Variants in PAPOLG observed in about 807,000 individuals in gnomAD.
PAPOLG encodes poly(A) polymerase gamma, also known as PAP-gamma.
A neutral mutation model predicts 99.0 loss-of-function variants in PAPOLG; 40 were observed. That is an observed-to-expected ratio of 0.40 (90% CI 0.31 to 0.53). The LOEUF is 0.53. PAPOLG is among the 20% of genes least tolerant of loss of function. The pLI, the probability that PAPOLG is intolerant of heterozygous loss-of-function variation, is 0.41. For missense variants in PAPOLG, 675 were observed against 884.1 expected (o/e 0.76, Z 3.00); for synonymous variants, 310 against 299.3 (o/e 1.04, Z -0.37).
chr2:60,797,084 C>T lies in PAPOLG; in HGVS notation c.2135C>T (p.Pro712Leu), dbSNP rs1671732217. 2 of 1,612,444 alleles carry T rather than the reference C, an allele frequency of 1.2e-6. No homozygotes were observed. The highest frequency in any genetic ancestry group is 1.7e-6 in the Non-Finnish European group (2 of 1,178,512). Residue 712 changes from proline (P) to leucine (L), a missense_variant, in exon 22 of 22, where the codon CCA (proline) becomes CTA (leucine). Coordinates refer to ENST00000238714, the MANE Select transcript of PAPOLG (RefSeq NM_022894.4). Reference sequence around the variant, plus strand: ...TAGAGACTACCCAGTAAAGAACTACCAGATTCATCATCTCCAGTTCCAGCA... The same window carrying T: ...TAGAGACTACCCAGTAAAGAACTACTAGATTCATCATCTCCAGTTCCAGCA... ...RKKRLPSKELPDSSSPVPANN... is the reference protein window; with the variant it reads ...RKKRLPSKELLDSSSPVPANN...
chr2:60,790,864 G>A (rs1250031935), intron 15 of PAPOLG, among the ~76,000 whole-genome samples: 1 of 152,174 alleles, frequency 6.6e-6, no homozygotes, highest in Non-Finnish European at 1.5e-5. Flanking sequence ...CAAGGTGGGT[G>A]GATCACTTGA....
At chr2:60,783,500 CTT>C (rs761205449) in intron 13 of PAPOLG, among the ~76,000 whole-genome samples, 13 of 45,358 alleles carry the variant, frequency 2.9e-4, no homozygotes, top group African/African-American at 6.2e-4. Context: ...TTTACCCGGC[CTT>C]TTTTTTTTTT....
chr2:60,765,361 A>G (rs1181083644), intron 3 of PAPOLG, among the ~76,000 whole-genome samples: 1 of 146,874 alleles, frequency 6.8e-6, no homozygotes, highest in African/African-American at 2.5e-5. Context: ...TACAGGCATG[A>G]GTCACAACCA....
rs368276093 is a variant in PAPOLG, at chr2:60,797,027, C to G, written c.2113-35C>G. 3.9e-4 allele frequency: 633 copies of G among 1,612,208 alleles called. 1 individual carries two copies. The African/African-American group carries it at 7.8e-3, about 20-fold the overall frequency. ...GGGCCTTTATAATATATATGATGTG[C>G]TTTTCCTTTTTTGTTTCCTCTTTCT... On this transcript the variant is annotated intron_variant, in intron 21 of 21. Transcript: ENST00000238714.
At chr2:60,796,670 C>G (rs1194385678) in intron 21 of PAPOLG, among the ~76,000 whole-genome samples, 2 of 152,086 alleles carry the variant, frequency 1.3e-5, no homozygotes, top group Non-Finnish European at 2.9e-5. Flanking sequence ...TGCACACACT[C>G]ATTTTTCACT....
intron 8 of PAPOLG, among the ~76,000 whole-genome samples, chr2:60,777,935 CA>C (rs1251304701): frequency 1.4e-4 from 22 of 152,110 alleles, no homozygotes; most frequent in Non-Finnish European, 1.0e-4. Context: ...ATCACCATAA[CA>C]GATATAATAA....
rs751102317 is a variant in PAPOLG, at chr2:60,797,155, C to G, written c.2206C>G (p.Arg736Gly). Residue 736 changes from arginine to glycine, a missense_variant, in exon 22 of 22, where the codon CGG becomes GGG. Around this residue, in one of 3 missense-constraint regions of PAPOLG, gnomAD observed 413 missense variants for 460.5 expected, o/e 0.90. Coordinates refer to ENST00000238714, the MANE Select transcript of PAPOLG (RefSeq NM_022894.4). ...IKNSIRLTLN[R>G] ...AAATTCCATTCGACTGACCCTTAAT[C>G]GGTAAAAGCAGTGCCTCCTCACTTA... 6.2e-7 allele frequency: 1 copy of G among 1,614,012 alleles called. No individual in the cohort carries two copies. Among genetic ancestry groups the G allele is most frequent in the Non-Finnish European group, 8.5e-7 (1 of 1,179,944 alleles).
chr2:60,791,654 G>T (rs574406236), intron 15 of PAPOLG, 107 bp from the exon 16 acceptor site: 1 of 1,367,082 alleles, frequency 7.3e-7, no homozygotes. Flanking sequence ...GTGGGTGGCC[G>T]GTGGTGATAG....
chr2:60,766,512 A>T lies in PAPOLG; in HGVS notation c.247-1958A>T, dbSNP rs1573223024. 1.3e-5 allele frequency among the ~76,000 whole-genome samples: 2 copies of T among 152,104 alleles called. 1 individual carries two copies. Among genetic ancestry groups the T allele is most frequent in the East Asian group, 3.8e-4 (2 of 5,196 alleles). ...GACCCCATCTTTACAAAAATTATTT[A>T]AAAATTACCCAGGCACAGTGGTACC... On this transcript the variant is annotated intron_variant, in intron 3 of 21. Coordinates refer to ENST00000238714, the MANE Select transcript of PAPOLG (RefSeq NM_022894.4).
intron 17 of PAPOLG, 72 bp from the exon 18 acceptor site, chr2:60,793,555 C>T: frequency 6.5e-7 from 1 of 1,531,572 alleles, no homozygotes; most frequent in Non-Finnish European, 8.9e-7. Flanking sequence ...TAGAATGAGG[C>T]CTTTTCTCAA....
Position 60,783,169 on chromosome 2 carries a change from T to C in PAPOLG, c.1126T>C (p.Leu376=), listed in dbSNP as rs1252278419. The change falls in exon 13 of 22, where the codon TTG becomes CTG. Residue 376 remains leucine (L), a synonymous_variant. Transcript: ENST00000238714. ...FFQKYRHYIV[L]TASASTEENH... is the part of the protein sequence containing the mutation. The stretch of plus-strand genomic sequence containing the variant: ...AAAATTCTTCAGACATTATATAGTA[T>C]TGACTGCCAGCGCATCAACAGAAGA... The C allele has an allele frequency of 3.1e-6, 5 of 1,591,166 alleles. No homozygotes were observed. Among genetic ancestry groups the C allele is most frequent in the African/African-American group, 2.7e-5 (2 of 73,872 alleles).
At position 60,800,127 on chromosome 2, in the gene PAPOLG, A is replaced by T. The variant is rs1430851607; in HGVS notation, c.*2967A>T. ...ACCTTAGGGACTTAACCAATTCAAGATAGAGGTACATGGCTTAAAACTTTG... is the reference window on the plus strand; with the variant it reads ...ACCTTAGGGACTTAACCAATTCAAGTTAGAGGTACATGGCTTAAAACTTTG... On this transcript the variant is annotated 3_prime_UTR_variant, in exon 22 of 22. Transcript: ENST00000238714. 3 of 152,326 alleles carry T rather than the reference A, an allele frequency of 2.0e-5. No individual in the cohort carries two copies. The highest frequency in any genetic ancestry group is 7.2e-5 in the African/African-American group (3 of 41,444). 9.4% of individuals were successfully genotyped at this position (152,326 alleles called of 1,614,324 possible). A position where few individuals can be genotyped will look rare whatever the true frequency, so the allele number is the denominator to read the frequency against.
chr2:60,774,101 GT>G (rs558297861), intron 7 of PAPOLG, among the ~76,000 whole-genome samples: 7 of 143,652 alleles, frequency 4.9e-5, no homozygotes, highest in African/African-American at 1.0e-4. Flanking sequence ...TTTGTTTTTT[GT>G]TTTTTTTTTG....
intron 13 of PAPOLG, 115 bp downstream of exon 13, chr2:60,783,324 C>CTTTTTT (rs72172236): frequency 3.2e-5 from 5 of 158,368 alleles, no homozygotes; most frequent in Non-Finnish European, 4.3e-5. Context: ...TATTATATCT[C>CTTTTTT]TTTTTTTTTT....
rs778745109 is a variant in PAPOLG at position 60,761,793 on chromosome 2, G to C, written c.232G>C (p.Val78Leu). 28 of 1,594,366 alleles carry C rather than the reference G, an allele frequency of 1.8e-5. No individual in the cohort carries two copies. Among genetic ancestry groups the C allele is most frequent in the Non-Finnish European group, 2.3e-5 (27 of 1,162,584 alleles). The change falls in exon 3 of 22, where the codon GTC (valine) becomes CTC (leucine). Residue 78 changes from valine (V) to leucine (L), a missense_variant. Around this residue, in one of 3 missense-constraint regions of PAPOLG, gnomAD observed 149 missense variants for 192.1 expected, o/e 0.78. Coordinates refer to ENST00000238714, the MANE Select transcript of PAPOLG (RefSeq NM_022894.4). Reference protein sequence around the residue: ...NNLVKEWISDVSESKNLPPSV... With the variant: ...NNLVKEWISDLSESKNLPPSV... The stretch of plus-strand genomic sequence containing the variant: ...TTTAGTAAAAGAATGGATTTCTGAT[G>C]TCAGCGAGAGTAAGGTAAGACTCTA...
chr2:60,775,242 A>C, intron 8 of PAPOLG, 119 bp downstream of exon 8: 9 of 1,186,290 alleles, frequency 7.6e-6, no homozygotes, highest in Non-Finnish European at 1.0e-5. Flanking sequence ...AGGGCCAATA[A>C]ACTCTGTAAT....
intron 3 of PAPOLG, among the ~76,000 whole-genome samples, chr2:60,766,557 T>A (rs781703910): frequency 3.9e-5 from 6 of 151,904 alleles, no homozygotes; most frequent in Admixed American, 1.3e-4. Flanking sequence ...TCTCAGATAC[T>A]CTGTAAGCCA....
intron 10 of PAPOLG, 43 bp downstream of exon 10, chr2:60,780,822 G>A (rs1447398977): frequency 2.0e-6 from 3 of 1,469,568 alleles, no homozygotes; most frequent in Non-Finnish European, 2.9e-6. Context: ...TTTTAAGGAA[G>A]AGGACATTTC....
intron 15 of PAPOLG, among the ~76,000 whole-genome samples, chr2:60,788,956 T>G (rs1281342426): frequency 6.6e-6 from 1 of 152,154 alleles, no homozygotes; most frequent in Non-Finnish European, 1.5e-5. Flanking sequence ...ATTGCGCCAT[T>G]GCTCTCCAGC....
Sources: gnomAD v4.1 joint callset for allele counts (sites outside exome capture counted in the v4.1 genomes callset) on GRCh38, gnomAD v4.1.1 for gene constraint, gnomAD v4.1.1 regional missense constraint, MANE v1.5 for transcripts, NCBI Gene and HGNC (gene_info 2026-07-23, HGNC 2026-07-21) for gene names.